The following ADAMTS18 variants were observed in gnomAD, a reference collection of about 807,000 sequenced individuals.
ADAMTS18 encodes A disintegrin and metalloproteinase with thrombospondin motifs 18.
In ADAMTS18, 157 loss-of-function variants were observed where a neutral mutation model predicts 165.9. That is an observed-to-expected ratio of 0.95 (90% CI 0.83 to 1.08). The LOEUF is 1.08. Ranked by LOEUF, ADAMTS18 falls within the 50% of genes least tolerant of loss-of-function variation. ADAMTS18 has a pLI of 0.00. For missense variants in ADAMTS18, 2,040 were observed against 1,534.0 expected (o/e 1.33, Z -5.51); for synonymous variants, 782 against 578.2 (o/e 1.35, Z -5.06).
chr16:77,415,580 C>T (rs917847374), intron 3 of ADAMTS18, among the ~76,000 whole-genome samples: 3 of 152,020 alleles, frequency 2.0e-5, no homozygotes, highest in Admixed American at 1.3e-4. Context: ...TCTAGGTCAA[C>T]GATATCTGAT....
At chr16:77,292,020 T>G (rs887715692) in intron 20 of ADAMTS18, among the ~76,000 whole-genome samples, 4 of 152,136 alleles carry the variant, frequency 2.6e-5, no homozygotes, top group African/African-American at 9.7e-5. Flanking sequence ...AAAATATCCT[T>G]TTAGGCTGGG....
At chr16:77,357,108 CATATATTT>C (rs150493165) in intron 8 of ADAMTS18, among the ~76,000 whole-genome samples, 37,630 of 150,992 alleles carry the variant, frequency 0.25, 5,300 homozygotes, top group East Asian at 0.57. Context: ...TGTCTTAGAC[CATATATTT>C]ATAAGGCAGA....
intron 16 of ADAMTS18, among the ~76,000 whole-genome samples, chr16:77,304,448 G>A (rs1418976353): frequency 1.3e-5 from 2 of 152,228 alleles, no homozygotes; most frequent in Non-Finnish European, 2.9e-5. Context: ...GCCATAGAGT[G>A]AGACACTGTC....
chr16:77,353,341 T>C (rs1479663135), intron 10 of ADAMTS18, among the ~76,000 whole-genome samples: 1 of 152,210 alleles, frequency 6.6e-6, no homozygotes, highest in Non-Finnish European at 1.5e-5. Flanking sequence ...AGTTATCCCA[T>C]ATTATAAAAG....
At chr16:77,368,626 G>C (rs990590638) in intron 3 of ADAMTS18, among the ~76,000 whole-genome samples, 1 of 151,730 alleles carries the variant, frequency 6.6e-6, no homozygotes, top group Non-Finnish European at 1.5e-5. Context: ...GCCCAGGCTC[G>C]TCTCAAACTC....
rs189394153 is a variant in ADAMTS18 at position 77,426,044 on chromosome 16, C to T, written c.495+5251G>A. 6.3e-4 allele frequency among the ~76,000 whole-genome samples: 93 copies of T among 146,650 alleles called. 1 individual carries two copies. The East Asian group carries it at 0.016, about 25-fold the overall frequency. The stretch of plus-strand genomic sequence containing the variant: ...CAACACAGCGAGACTCCACATCAAA[C>T]AAACAAACAAACAGAAACGGGGAGT... On this transcript the variant is annotated intron_variant, in intron 3 of 22. Coordinates refer to ENST00000282849, the MANE Select transcript of ADAMTS18 (RefSeq NM_199355.4).
intron 3 of ADAMTS18, among the ~76,000 whole-genome samples, chr16:77,404,935 T>C (rs2057375170): frequency 6.6e-6 from 1 of 152,098 alleles, no homozygotes. Context: ...CAGAAGAATT[T>C]TTGCTGAAAA....
chr16:77,334,910 C>T (rs186500975), intron 12 of ADAMTS18, among the ~76,000 whole-genome samples: 24 of 131,894 alleles, frequency 1.8e-4, no homozygotes, highest in African/African-American at 6.5e-4. Context: ...ATATACTGTA[C>T]ATTATAGTAT....
At position 77,414,698 on chromosome 16, in the gene ADAMTS18, T is replaced by C. The variant is rs1333922991; in HGVS notation, c.495+16597A>G. On this transcript the variant is annotated intron_variant, in intron 3 of 22. Coordinates refer to ENST00000282849, the MANE Select transcript of ADAMTS18 (RefSeq NM_199355.4). ...AACTTCTGTTGTCATTATTTAAAAA[T>C]AAAGATCTACTGCATACTAAAATTA... is the stretch of plus-strand genomic sequence containing the variant. Among the ~76,000 whole-genome samples the C allele has an allele frequency of 2.0e-5, 3 of 152,140 alleles. No individual in the cohort carries two copies. The East Asian group carries it at 5.8e-4, about 29-fold the overall frequency.
intron 1 of ADAMTS18, 31 bp downstream of exon 1, chr16:77,434,575 C>A (rs766297871): frequency 3.9e-6 from 6 of 1,529,708 alleles, no homozygotes; most frequent in South Asian, 1.2e-5. Flanking sequence ...CCCTGCCACC[C>A]GCTCTCGGAG....
intron 12 of ADAMTS18, among the ~76,000 whole-genome samples, chr16:77,330,586 T>A (rs531454869): frequency 6.6e-6 from 1 of 152,252 alleles, no homozygotes; most frequent in African/African-American, 2.4e-5. Flanking sequence ...AAGAAGGACA[T>A]TGGGAAGGTC....
chr16:77,364,319 G>T lies in ADAMTS18; in HGVS notation c.841C>A (p.Arg281=). 6.2e-7 allele frequency: 1 copy of T among 1,613,814 alleles called. No individual in the cohort carries two copies. Among genetic ancestry groups the T allele is most frequent in the Non-Finnish European group, 8.5e-7 (1 of 1,179,980 alleles). The change falls in exon 5 of 23, where the codon CGA becomes AGA. Residue 281 remains arginine (R), a synonymous_variant. Coordinates refer to ENST00000282849, the MANE Select transcript of ADAMTS18 (RefSeq NM_199355.4). ...LRFDEYGSSG[R]PRRSAGKSQK... Reference sequence around the variant, plus strand: ...GATTTTCCAGCTGATCTTCTGGGTCGCCCAGAGCTCCCATATTCATCAAAC... The same window carrying T: ...GATTTTCCAGCTGATCTTCTGGGTCTCCCAGAGCTCCCATATTCATCAAAC...
intron 16 of ADAMTS18, among the ~76,000 whole-genome samples, chr16:77,302,538 A>G (rs1343508357): frequency 6.6e-6 from 1 of 152,230 alleles, no homozygotes; most frequent in Admixed American, 6.5e-5. Flanking sequence ...AAGCTTAAGT[A>G]TAAATGCTAT....
intron 3 of ADAMTS18, among the ~76,000 whole-genome samples, chr16:77,382,025 A>T (rs2057038192): frequency 6.6e-6 from 1 of 152,032 alleles, no homozygotes; most frequent in Non-Finnish European, 1.5e-5. Context: ...TGTGGGGTAT[A>T]TTCTACGTAC....
intron 3 of ADAMTS18, among the ~76,000 whole-genome samples, chr16:77,374,752 A>T (rs1387334536): frequency 6.6e-6 from 1 of 152,190 alleles, no homozygotes; most frequent in Non-Finnish European, 1.5e-5. Context: ...ACACTGAGAA[A>T]GCAATTTAAA....
In ADAMTS18 at chr16:77,434,625, C is replaced by G; in HGVS notation, c.71G>C (p.Gly24Ala). Residue 24 changes from glycine (G) to alanine (A), a missense_variant, in exon 1 of 23, where the codon GGA becomes GCA. Gly to Ala is a moderately conservative substitution (Grantham distance 60). Transcript: ENST00000282849. ...AGSGPPRGLA[G>A]LGRVAKALQL... Reference sequence around the variant, plus strand: ...ACCTGCCTTGGCCACGCGCCCCAGTCCCGCCAGGCCCCTCGGCGGGCCCGA... The same window carrying G: ...ACCTGCCTTGGCCACGCGCCCCAGTGCCGCCAGGCCCCTCGGCGGGCCCGA... 1 of 1,491,080 alleles carries G rather than the reference C, an allele frequency of 6.7e-7. No individual in the cohort carries two copies. Among genetic ancestry groups the G allele is most frequent in the East Asian group, 2.8e-5 (1 of 35,838 alleles). 92.4% of individuals were successfully genotyped at this position (1,491,080 alleles called of 1,614,324 possible). A position where few individuals can be genotyped will look rare whatever the true frequency, so the allele number is the denominator to read the frequency against.
rs117632053 is a variant in ADAMTS18 at position 77,380,048 on chromosome 16, G to A, written c.496-12325C>T. ...GAAAAAAGGTTCCAAAAGTCTTGCT[G>A]CCGAGGTCCTCAGAAATGCTTGGCT... On this transcript the variant is annotated intron_variant, in intron 3 of 22. Transcript: ENST00000282849. 5.2e-4 allele frequency among the ~76,000 whole-genome samples: 79 copies of A among 152,302 alleles called. No individual in the cohort carries two copies. The East Asian group carries it at 0.013, about 25-fold the overall frequency.
At chr16:77,309,735 A>G (rs1567470882) in intron 16 of ADAMTS18, among the ~76,000 whole-genome samples, 1 of 152,174 alleles carries the variant, frequency 6.6e-6, no homozygotes, top group Non-Finnish European at 1.5e-5. Flanking sequence ...CCAGGATCGC[A>G]TTATCCTGCC....
intron 11 of ADAMTS18, 40 bp downstream of exon 11, chr16:77,341,664 C>T: frequency 6.5e-7 from 1 of 1,537,280 alleles, no homozygotes; most frequent in Middle Eastern, 1.7e-4. Flanking sequence ...TATGCCTTAT[C>T]AAATTTCTGG....
Sources: allele counts gnomAD v4.1 joint callset (sites outside exome capture counted in the v4.1 genomes callset), GRCh38; gene constraint gnomAD v4.1.1; transcripts MANE v1.5; gene names NCBI Gene and HGNC (gene_info 2026-07-23, HGNC 2026-07-21).